CDH13: variants seen among roughly 807,000 people sequenced by gnomAD.
The protein encoded by CDH13 is cadherin 13.
A neutral mutation model predicts 63.8 loss-of-function variants in CDH13; 24 were observed. The observed-to-expected ratio is 0.38, with a 90% CI of 0.27 to 0.53. The LOEUF is 0.53. Among genes scored for constraint, CDH13 ranks in the 20% least tolerant of loss-of-function variants. The pLI is 0.85. For synonymous variants in CDH13, 503 were observed against 355.3 expected, an observed-to-expected ratio of 1.42 and a Z score of -4.67; for missense variants, 1,049 against 903.1, an observed-to-expected ratio of 1.16 and a Z score of -2.07.
chr16:83,221,628 C>G (rs1245375991), intron 5 of CDH13, among the ~76,000 whole-genome samples: 1 of 148,346 alleles, frequency 6.7e-6, no homozygotes, highest in Non-Finnish European at 1.5e-5. Flanking sequence ...GAGTGGGAGA[C>G]CATCTGTTAG....
intron 1 of CDH13, among the ~76,000 whole-genome samples, chr16:82,741,311 ACT>A (rs1397143275): frequency 1.3e-5 from 2 of 151,954 alleles, no homozygotes; most frequent in Non-Finnish European, 2.9e-5. Context: ...TTGCTGGGAC[ACT>A]CTCTTTTCTC....
At chr16:83,728,641 C>T (rs978773303) in intron 10 of CDH13, among the ~76,000 whole-genome samples, 9 of 152,268 alleles carry the variant, frequency 5.9e-5, no homozygotes, top group East Asian at 1.9e-4. Flanking sequence ...CTTCAAAGCA[C>T]TGTGCCCAGC....
chr16:83,447,075 C>T (rs369975239), intron 6 of CDH13, among the ~76,000 whole-genome samples: 1 of 42,062 alleles, frequency 2.4e-5, no homozygotes, highest in South Asian at 8.0e-4. Flanking sequence ...AAAAAAAAAA[C>T]AAAAAACACC....
chr16:83,559,342 C>T (rs1289355444), intron 7 of CDH13, among the ~76,000 whole-genome samples: 1 of 152,110 alleles, frequency 6.6e-6, no homozygotes, highest in Non-Finnish European at 1.5e-5. Context: ...GAGGCCGAGG[C>T]AGGTGGATCA....
chr16:83,134,544 G>GGA (rs67135267), intron 4 of CDH13, among the ~76,000 whole-genome samples: 1,188 of 84,288 alleles, frequency 0.014, 59 homozygotes, highest in African/African-American at 0.023. Context: ...TGGGGTGGGG[G>GGA]GAGAGAGAGA....
At chr16:83,451,621 G>A (rs185588344) in intron 6 of CDH13, among the ~76,000 whole-genome samples, 1 of 152,306 alleles carries the variant, frequency 6.6e-6, no homozygotes, top group African/African-American at 2.4e-5. Context: ...GGGCTCAAGA[G>A]ATTCTCCCAC....
intron 1 of CDH13, among the ~76,000 whole-genome samples, chr16:82,649,689 G>A (rs893221548): frequency 1.3e-5 from 2 of 152,082 alleles, no homozygotes; most frequent in African/African-American, 2.4e-5. Context: ...ATGTAAGAGA[G>A]AAAAATGATG....
At chr16:83,351,590 C>T (rs1180908472) in intron 6 of CDH13, among the ~76,000 whole-genome samples, 1 of 152,170 alleles carries the variant, frequency 6.6e-6, no homozygotes, top group African/African-American at 2.4e-5. Flanking sequence ...TTTCAAACAG[C>T]TAGAGTCTGG....
At chr16:83,481,171 C>G (rs937167772) in intron 6 of CDH13, among the ~76,000 whole-genome samples, 1 of 152,194 alleles carries the variant, frequency 6.6e-6, no homozygotes, top group Non-Finnish European at 1.5e-5. Context: ...TCACACTTCT[C>G]CCTGGAAAGC....
intron 6 of CDH13, among the ~76,000 whole-genome samples, chr16:83,368,792 C>T (rs950054379): frequency 3.3e-5 from 5 of 149,896 alleles, no homozygotes; most frequent in Non-Finnish European, 7.4e-5. Flanking sequence ...TCCTGAGTTA[C>T]TTCACTTAGA....
intron 7 of CDH13, among the ~76,000 whole-genome samples, chr16:83,570,094 G>A (rs1183458771): frequency 1.3e-5 from 2 of 152,090 alleles, no homozygotes; most frequent in Non-Finnish European, 2.9e-5. Context: ...TAGGTCCCTG[G>A]TCCTGTGTAG....
chr16:82,720,239 C>G (rs2032680808), intron 1 of CDH13, among the ~76,000 whole-genome samples: 1 of 152,164 alleles, frequency 6.6e-6, no homozygotes, highest in Non-Finnish European at 1.5e-5. Flanking sequence ...GGGGCACCTC[C>G]TGCCACCGTG....
chr16:82,949,778 C>A (rs1031379784), intron 2 of CDH13, among the ~76,000 whole-genome samples: 1 of 152,076 alleles, frequency 6.6e-6, no homozygotes, highest in African/African-American at 2.4e-5. Context: ...TCCTTGGTTT[C>A]TGTGTTACAG....
chr16:82,953,792 T>C (rs1426999984), intron 2 of CDH13: 1 of 152,194 alleles, frequency 6.6e-6, no homozygotes, highest in Non-Finnish European at 1.5e-5. Context: ...GGCTTCCAGA[T>C]GGGCCGAGAT....
At chr16:83,465,200 A>G (rs2073278395) in intron 6 of CDH13, among the ~76,000 whole-genome samples, 1 of 152,248 alleles carries the variant, frequency 6.6e-6, no homozygotes, top group African/African-American at 2.4e-5. Context: ...GTAAAAATAA[A>G]GATGGGATAA....
chr16:83,062,962 A>ATT (rs61186735), intron 3 of CDH13, among the ~76,000 whole-genome samples: 30,104 of 133,852 alleles, frequency 0.22, 3,716 homozygotes, highest in Non-Finnish European at 0.28. Flanking sequence ...GGTGGTTGGC[A>ATT]TTTTTTTTTT....
At chr16:83,328,081 C>T (rs1462349669) in intron 5 of CDH13, among the ~76,000 whole-genome samples, 2 of 147,738 alleles carry the variant, frequency 1.4e-5, no homozygotes, top group Non-Finnish European at 3.0e-5. Context: ...TGCAGTGAGC[C>T]GAGATGGCAC....
chr16:83,142,068 A>G (rs2036553767), intron 4 of CDH13, among the ~76,000 whole-genome samples: 1 of 152,152 alleles, frequency 6.6e-6, no homozygotes, highest in African/African-American at 2.4e-5. Context: ...TTTGGGGAGA[A>G]CAACGGATAT....
At chr16:83,660,407 G>GTGTGCA (rs1913330531) in intron 8 of CDH13, among the ~76,000 whole-genome samples, 2 of 152,216 alleles carry the variant, frequency 1.3e-5, no homozygotes, top group Non-Finnish European at 2.9e-5. Flanking sequence ...TTCACTATAG[G>GTGTGCA]GTTTGTGCTC....
Sources: allele counts gnomAD v4.1 joint callset (sites outside exome capture counted in the v4.1 genomes callset), GRCh38; gene constraint gnomAD v4.1.1; transcripts MANE v1.5; gene names NCBI Gene and HGNC (gene_info 2026-07-23, HGNC 2026-07-21).